The following VWA3B variants were observed in gnomAD, a reference collection of about 807,000 sequenced individuals.
VWA3B encodes the protein von Willebrand factor A domain containing 3B.
Under a neutral mutation model 158.3 loss-of-function variants are expected in VWA3B, and 138 were observed. That is an observed-to-expected ratio of 0.87 (90% CI 0.76 to 1.00). VWA3B has a LOEUF of 1.00. Ranked by LOEUF, VWA3B falls within the 50% of genes least tolerant of loss-of-function variation. The pLI is 0.00. For synonymous variants in VWA3B, 596 were observed against 587.3 expected, an observed-to-expected ratio of 1.01 and a Z score of -0.21; for missense variants, 1,555 against 1,565.1, an observed-to-expected ratio of 0.99 and a Z score of 0.11.
chr2:98,256,087 T>G (rs1400595270), intron 20 of VWA3B, 37 bp from the exon 21 acceptor site: 1 of 1,610,978 alleles, frequency 6.2e-7, no homozygotes, highest in African/African-American at 1.3e-5. Context: ...AATGAAGTAC[T>G]GCTACAAAAT....
chr2:98,220,934 C>T (rs554291741), intron 14 of VWA3B, among the ~76,000 whole-genome samples: 1 of 152,142 alleles, frequency 6.6e-6, no homozygotes, highest in South Asian at 2.1e-4. Context: ...AACACATGGA[C>T]ACAGGGAGGG....
At chr2:98,317,722 T>C (rs143088922), downstream of VWA3B, among the ~76,000 whole-genome samples, 113 of 152,336 alleles carry the variant, frequency 7.4e-4, 1 homozygote, top group African/African-American at 2.6e-3. Flanking sequence ...AGGTATTTAA[T>C]TGATGTCTCA....
intron 21 of VWA3B, among the ~76,000 whole-genome samples, chr2:98,260,149 T>A (rs1028621435): frequency 7.2e-5 from 11 of 151,804 alleles, no homozygotes; most frequent in Admixed American, 6.6e-5. Flanking sequence ...TAACATATGG[T>A]CTATCCCAGA....
intron 4 of VWA3B, among the ~76,000 whole-genome samples, chr2:98,120,630 T>TG (rs1260482342): frequency 2.0e-5 from 3 of 152,208 alleles, no homozygotes; most frequent in Non-Finnish European, 4.4e-5. Flanking sequence ...TGGCAGGCCA[T>TG]GGGGGCAATC....
At chr2:98,181,766 C>A (rs957658589) in intron 9 of VWA3B, among the ~76,000 whole-genome samples, 2 of 152,180 alleles carry the variant, frequency 1.3e-5, no homozygotes, top group African/African-American at 4.8e-5. Flanking sequence ...ACTCTGGCTC[C>A]CAATGAAGGA....
chr2:98,152,484 C>T (rs1677718375), intron 7 of VWA3B, among the ~76,000 whole-genome samples: 1 of 152,080 alleles, frequency 6.6e-6, no homozygotes. Flanking sequence ...GTCCTGTCGG[C>T]ACAGGAGGAG....
At chr2:98,294,201 C>G (rs1239532553) in intron 23 of VWA3B, among the ~76,000 whole-genome samples, 1 of 31,400 alleles carries the variant, frequency 3.2e-5, no homozygotes, top group Non-Finnish European at 5.7e-5. Context: ...CACACACACA[C>G]ACAAAAAAAA....
In VWA3B at chr2:98,215,450, A is replaced by C. The variant is rs562488742; in HGVS notation, c.1837-2396A>C. 3.4e-5 allele frequency among the ~76,000 whole-genome samples: 5 copies of C among 148,492 alleles called. No individual in the cohort carries two copies. The South Asian group carries it at 6.3e-4, about 19-fold the overall frequency. On this transcript the variant is annotated intron_variant, in intron 13 of 27. Coordinates refer to ENST00000477737, the MANE Select transcript of VWA3B (RefSeq NM_144992.5). ...AGCGAGACTCCATCTAAAAAAAAAA[A>C]CAAAAAACAAAAAACAAAAAAGATG...
At chr2:98,234,851 T>C in intron 17 of VWA3B, 84 bp downstream of exon 17, 1 of 1,564,514 alleles carries the variant, frequency 6.4e-7, no homozygotes, top group South Asian at 1.2e-5. Context: ...GTAGATATGT[T>C]GGGGAAATCA....
chr2:98,167,350 C>A (rs1266040470), intron 8 of VWA3B, among the ~76,000 whole-genome samples: 1 of 150,966 alleles, frequency 6.6e-6, no homozygotes, highest in Non-Finnish European at 1.5e-5. Flanking sequence ...AAGAGCAGGA[C>A]GTGAGAGTTC....
intron 21 of VWA3B, among the ~76,000 whole-genome samples, chr2:98,262,419 T>A (rs757846113): frequency 1.1e-4 from 16 of 151,844 alleles, no homozygotes; most frequent in Middle Eastern, 3.2e-3. Flanking sequence ...GCTTGGATAT[T>A]TAATCTGTTT....
chr2:98,314,444 T>TCATG (rs1691045594), downstream of VWA3B, among the ~76,000 whole-genome samples: 2 of 152,326 alleles, frequency 1.3e-5, no homozygotes, highest in African/African-American at 4.8e-5. Flanking sequence ...AAAATATTAT[T>TCATG]CATGGGGCAT....
chr2:98,230,091 AG>A lies in VWA3B; in HGVS notation c.2193del (p.Lys731AsnfsTer17). The A allele has an allele frequency of 6.2e-7, 1 of 1,606,868 alleles. No individual in the cohort carries two copies. The highest frequency in any genetic ancestry group is 8.5e-7 in the Non-Finnish European group (1 of 1,178,370). On this transcript the variant is annotated frameshift_variant, in exon 16 of 28. Coordinates refer to ENST00000477737, the MANE Select transcript of VWA3B (RefSeq NM_144992.5). LOFTEE classifies it high-confidence loss of function. ...TGTTCTATGATTTCAACCCCAGAAA[AG>A]TGTGCAAAGCCTCAATCTGATGTCG... ...EICSMISTPE[K>X]CAKPQSDVDS...
At chr2:98,327,844 C>A in the VWA3B span, among the ~76,000 whole-genome samples, 1 of 152,182 alleles carries the variant, frequency 6.6e-6, no homozygotes, top group Non-Finnish European at 1.5e-5. Context: ...ATACGTTCAG[C>A]CATTTATATT....
At chr2:98,270,965 T>C (rs1688167809) in intron 22 of VWA3B, 82 bp downstream of exon 22, 10 of 1,349,680 alleles carry the variant, frequency 7.4e-6, no homozygotes, top group Non-Finnish European at 1.0e-5. Context: ...CTTCCTTCTC[T>C]GTCTCCCACT....
intron 25 of VWA3B, among the ~76,000 whole-genome samples, chr2:98,303,029 A>G (rs1311713822): frequency 6.6e-6 from 1 of 152,188 alleles, no homozygotes; most frequent in Non-Finnish European, 1.5e-5. Context: ...AACATCTGGA[A>G]GGGCAGAGCA....
chr2:98,217,064 C>A, intron 13 of VWA3B: 3 of 1,075,234 alleles, frequency 2.8e-6, no homozygotes, highest in Non-Finnish European at 3.7e-6. Context: ...TGCTGGGGAG[C>A]TGGGCAGAGG....
chr2:98,131,333 C>T (rs895575079), intron 6 of VWA3B, among the ~76,000 whole-genome samples: 6 of 152,186 alleles, frequency 3.9e-5, no homozygotes, highest in Non-Finnish European at 5.9e-5. Context: ...TACCACCTTT[C>T]TTTATCCATT....
At chr2:98,221,480 T>C (rs540009754) in intron 14 of VWA3B, among the ~76,000 whole-genome samples, 1 of 152,304 alleles carries the variant, frequency 6.6e-6, no homozygotes, top group East Asian at 1.9e-4. Context: ...ACTCTCTTGC[T>C]TCATGGAAGC....
Sources: allele counts gnomAD v4.1 joint callset (sites outside exome capture counted in the v4.1 genomes callset), GRCh38; gene constraint gnomAD v4.1.1; transcripts MANE v1.5; gene names NCBI Gene and HGNC (gene_info 2026-07-23, HGNC 2026-07-21).